The following ANK3 variants were observed in gnomAD, a reference collection of about 807,000 sequenced individuals.
The protein encoded by ANK3 is ankyrin 3, also known as ankyrin-3.
In ANK3, 57 loss-of-function variants were observed where a neutral mutation model predicts 370.9. The ratio of observed to expected loss-of-function variants is 0.15; its 90% confidence interval spans 0.12 to 0.19. ANK3 has a LOEUF of 0.19. Ranked by LOEUF, ANK3 falls within the 10% of genes least tolerant of loss-of-function variation. The pLI is 1.00. For missense variants in ANK3, 4,439 were observed against 5,302.1 expected, an observed-to-expected ratio of 0.84 and a Z score of 5.06; for synonymous variants, 1,929 against 1,946.3, an observed-to-expected ratio of 0.99 and a Z score of 0.23.
chr10:60,066,988 C>T (rs1021839379), intron 38 of ANK3, among the ~76,000 whole-genome samples: 1 of 152,154 alleles, frequency 6.6e-6, no homozygotes, highest in African/African-American at 2.4e-5. Context: ...GGTGCAATCT[C>T]AGCTCACTGC....
rs2062923323 is a variant in ANK3, at chr10:60,389,634, T to A, written c.-96A>T. On this transcript the variant is annotated 5_prime_UTR_variant, in exon 1 of 44. Transcript: ENST00000280772. Reference sequence around the variant, plus strand: ...AATCAGGCTTACAGCAGCATTCCAATCACTAGAGAGAAAGCTTTGACTAGA... The same window carrying A: ...AATCAGGCTTACAGCAGCATTCCAAACACTAGAGAGAAAGCTTTGACTAGA... 2 of 1,539,130 alleles carry A rather than the reference T, an allele frequency of 1.3e-6. No individual in the cohort carries two copies. The highest frequency in any genetic ancestry group is 8.7e-7 in the Non-Finnish European group (1 of 1,149,058).
chr10:60,228,677 G>A (rs1565838997), intron 8 of ANK3, among the ~76,000 whole-genome samples: 2 of 152,062 alleles, frequency 1.3e-5, no homozygotes, highest in Non-Finnish European at 1.5e-5. Flanking sequence ...TTTGAGGAAG[G>A]AGGGTAATTA....
chr10:60,226,166 GTAATACTATATA>G (rs1358357613), intron 8 of ANK3, among the ~76,000 whole-genome samples: 3 of 124,656 alleles, frequency 2.4e-5, no homozygotes, highest in Non-Finnish European at 4.8e-5. Flanking sequence ...TATTATATAT[GTAATACTATATA>G]TACTATGTAT....
Position 60,690,039 on chromosome 10 carries a change from A to G in ANK3, c.57+43224T>C, listed in dbSNP as rs1002710015. On this transcript the variant is annotated intron_variant, in intron 1 of 43. Coordinates refer to the ANK3 transcript ENST00000373827. Reference sequence around the variant, plus strand: ...ATCCTGGGCATGTAAAGAGAAAGAAATCAGATTAGAAAGTAGTACAAACTA... The same window carrying G: ...ATCCTGGGCATGTAAAGAGAAAGAAGTCAGATTAGAAAGTAGTACAAACTA... 3.3e-5 allele frequency among the ~76,000 whole-genome samples: 5 copies of G among 152,242 alleles called. No homozygotes were observed. The East Asian group carries it at 9.6e-4, about 29-fold the overall frequency.
At chr10:60,066,953 G>A (rs1406048302) in intron 38 of ANK3, among the ~76,000 whole-genome samples, 2 of 152,080 alleles carry the variant, frequency 1.3e-5, no homozygotes, top group Admixed American at 6.5e-5. Context: ...GGAGTCTCAC[G>A]CTATTACCCA....
At chr10:60,367,801 A>G (rs924539245) in intron 1 of ANK3, among the ~76,000 whole-genome samples, 2 of 152,198 alleles carry the variant, frequency 1.3e-5, no homozygotes, top group African/African-American at 4.8e-5. Context: ...TTCTCTTTAA[A>G]ATGGATGCAG....
chr10:60,069,075 C>G lies in ANK3; in HGVS notation c.11806G>C (p.Gly3936Arg), dbSNP rs1194739431. The G allele has an allele frequency of 6.2e-7, 1 of 1,613,968 alleles. No homozygotes were observed. Among genetic ancestry groups the G allele is most frequent in the African/African-American group, 1.3e-5 (1 of 74,894 alleles). ...TTGGCCTTGCCTTTCTCTGGCTGCCCTTGCTTTTGTGTGGCACATGCTTTT... is the reference window on the plus strand; with the variant it reads ...TTGGCCTTGCCTTTCTCTGGCTGCCGTTGCTTTTGTGTGGCACATGCTTTT... ...VRKACATQKQ[G>R]QPEKGKAKQL... is the part of the protein sequence containing the mutation. The change falls in exon 37 of 44, where the codon GGG (glycine) becomes CGG (arginine). Residue 3936 changes from glycine (G) to arginine (R), a missense_variant. Physicochemically the swap from Gly to Arg is moderately radical, Grantham distance 125. Around this residue, in one of 13 missense-constraint regions of ANK3, gnomAD observed 496 missense variants for 529.3 expected, o/e 0.94. Transcript: ENST00000280772.
In ANK3 at chr10:60,270,217, G is replaced by A; in HGVS notation, c.427C>T (p.Pro143Ser). ...VNAQSQNGFT[P>S]LYMAAQENHL... ...TTTTCCTGGGCTGCCATATACAATG[G>A]CGTGAAACCATTCTGCAAAATAAGA... is the stretch of plus-strand genomic sequence containing the variant. Residue 143 changes from proline (P) to serine (S), a missense_variant, in exon 5 of 44, where the codon CCA becomes TCA. By Grantham distance (74) the Pro-to-Ser change is moderately conservative. This residue lies in a region of ANK3 where 136 missense variants were observed against 230.5 expected (regional missense o/e 0.59). Transcript: ENST00000280772. The A allele has an allele frequency of 6.3e-7, 1 of 1,580,536 alleles. No homozygotes were observed. Among genetic ancestry groups the A allele is most frequent in the African/African-American group, 1.4e-5 (1 of 73,182 alleles).
chr10:60,444,421 A>G (rs2064383244), intron 2 of ANK3, among the ~76,000 whole-genome samples: 1 of 140,932 alleles, frequency 7.1e-6, no homozygotes, highest in African/African-American at 2.7e-5. Context: ...ATATGTATAT[A>G]TAACATACGT....
chr10:60,231,281 T>C (rs2097239743), intron 8 of ANK3, among the ~76,000 whole-genome samples: 1 of 152,232 alleles, frequency 6.6e-6, no homozygotes, highest in Non-Finnish European at 1.5e-5. Flanking sequence ...GAAAGAGCTC[T>C]AAGAATCTTC....
chr10:60,523,412 C>A (rs914287475), intron 2 of ANK3, among the ~76,000 whole-genome samples: 5 of 125,526 alleles, frequency 4.0e-5, no homozygotes, highest in African/African-American at 8.9e-5. Context: ...CACAACAGTC[C>A]CCGGAGTGTG....
intron 1 of ANK3, among the ~76,000 whole-genome samples, chr10:60,724,691 A>C (rs1248224059): frequency 6.6e-6 from 1 of 152,246 alleles, no homozygotes; most frequent in African/African-American, 2.4e-5. Context: ...CACTAAATCA[A>C]GTGTACTGTC....
intron 1 of ANK3, among the ~76,000 whole-genome samples, chr10:60,722,110 C>T (rs1320000533): frequency 6.6e-6 from 1 of 152,032 alleles, no homozygotes; most frequent in Admixed American, 6.6e-5. Context: ...TCCGCACCAA[C>T]CTAAACTATG....
Position 60,069,735 on chromosome 10 carries a change from G to C in ANK3, c.11146C>G (p.Pro3716Ala). The C allele has an allele frequency of 6.2e-7, 1 of 1,613,660 alleles. No homozygotes were observed. Among genetic ancestry groups the C allele is most frequent in the Non-Finnish European group, 8.5e-7 (1 of 1,179,874 alleles). The change falls in exon 37 of 44, where the codon CCC becomes GCC. Residue 3716 changes from proline (P) to alanine (A), a missense_variant. Physicochemically the swap from Pro to Ala is conservative, Grantham distance 27. Coordinates refer to ENST00000280772, the MANE Select transcript of ANK3 (RefSeq NM_020987.5). ...AAATNTSKVD[P>A]KLRTPIKMGI... The stretch of plus-strand genomic sequence containing the variant: ...ATTTTTATAGGCGTGCGCAACTTGG[G>C]GTCAACTTTAGAGGTGTTAGTGGCT...
At chr10:60,111,121 T>A (rs2092679492) in intron 26 of ANK3, among the ~76,000 whole-genome samples, 1 of 152,140 alleles carries the variant, frequency 6.6e-6, no homozygotes, top group African/African-American at 2.4e-5. Context: ...GATTGATGGG[T>A]GGATAGATAG....
In ANK3 at chr10:60,313,166, G is replaced by A. The variant is rs117772765; in HGVS notation, c.115-33527C>T. ...TGAGCACGTCTAGTCTGGAAATGGC[G>A]CTTACTCCCAGGACCCTGCGGATAA... On this transcript the variant is annotated intron_variant, in intron 1 of 43. Coordinates refer to ENST00000280772, the MANE Select transcript of ANK3 (RefSeq NM_020987.5). Among the ~76,000 whole-genome samples the A allele has an allele frequency of 2.2e-4, 34 of 152,274 alleles. 1 individual carries two copies. The East Asian group carries it at 6.0e-3, about 27-fold the overall frequency.
In ANK3 at chr10:60,318,331, T is replaced by C. The variant is rs117561141; in HGVS notation, c.115-38692A>G. Among the ~76,000 whole-genome samples the C allele has an allele frequency of 2.4e-3, 364 of 152,322 alleles. 2 individuals are homozygous for C. Among genetic ancestry groups the C allele is most frequent in the Middle Eastern group, 0.024 (7 of 294 alleles). The stretch of plus-strand genomic sequence containing the variant: ...TTTCCTAGAGTGCCCTTCTTAACAG[T>C]TCACAGTGCATTTTCACTTAGACTA... On this transcript the variant is annotated intron_variant, in intron 1 of 43. Transcript: ENST00000280772.
At chr10:60,344,159 G>A (rs936326104) in intron 1 of ANK3, among the ~76,000 whole-genome samples, 3 of 152,108 alleles carry the variant, frequency 2.0e-5, no homozygotes, top group African/African-American at 7.2e-5. Flanking sequence ...AAATCCAACA[G>A]GTAACAAATG....
intron 2 of ANK3, among the ~76,000 whole-genome samples, chr10:60,395,919 C>T (rs1315816619): frequency 6.6e-6 from 1 of 152,132 alleles, no homozygotes; most frequent in Non-Finnish European, 1.5e-5. Flanking sequence ...GGTCAGCACT[C>T]AGCACAATGC....
Sources: gnomAD v4.1 joint callset for allele counts (sites outside exome capture counted in the v4.1 genomes callset) on GRCh38, gnomAD v4.1.1 for gene constraint, gnomAD v4.1.1 regional missense constraint, MANE v1.5 for transcripts, NCBI Gene and HGNC (gene_info 2026-07-23, HGNC 2026-07-21) for gene names.